The following GRIA1 variants were observed in gnomAD, a reference collection of about 807,000 sequenced individuals.
GRIA1 encodes the protein glutamate receptor 1.
A neutral mutation model predicts 99.2 loss-of-function variants in GRIA1; 31 were observed. The ratio of observed to expected loss-of-function variants is 0.31; its 90% confidence interval spans 0.23 to 0.42. The LOEUF (loss-of-function observed/expected upper bound fraction) is 0.42. Among genes scored for constraint, GRIA1 ranks in the 10% least tolerant of loss-of-function variants. The pLI is 1.00. For synonymous variants in GRIA1, 438 were observed against 432.4 expected (o/e 1.01, Z -0.16); for missense variants, 782 against 1,157.5 (o/e 0.68, Z 4.71).
intron 2 of GRIA1, among the ~76,000 whole-genome samples, chr5:153,573,707 T>C (rs754197119): frequency 1.4e-4 from 22 of 152,124 alleles, no homozygotes; most frequent in Admixed American, 3.3e-4. Flanking sequence ...GGAGCAAATA[T>C]ATAAAGGTGA....
chr5:153,722,369 T>C (rs1200227086), intron 11 of GRIA1, among the ~76,000 whole-genome samples: 1 of 152,228 alleles, frequency 6.6e-6, no homozygotes, highest in Admixed American at 6.5e-5. Context: ...GTACTTTTTG[T>C]GTCTTGCTTA....
At chr5:153,636,153 G>A (rs545778354) in intron 2 of GRIA1, among the ~76,000 whole-genome samples, 25 of 152,210 alleles carry the variant, frequency 1.6e-4, no homozygotes, top group African/African-American at 5.3e-4. Flanking sequence ...AAAGGAATAC[G>A]TGGGCTCAGA....
At chr5:153,498,476 A>G (rs1160284823) in intron 2 of GRIA1, among the ~76,000 whole-genome samples, 1 of 152,242 alleles carries the variant, frequency 6.6e-6, no homozygotes, top group Admixed American at 6.5e-5. Context: ...ATTACACAGC[A>G]TAAAAATGTT....
At chr5:153,678,765 G>A (rs940815634) in intron 7 of GRIA1, among the ~76,000 whole-genome samples, 11 of 152,184 alleles carry the variant, frequency 7.2e-5, no homozygotes, top group Non-Finnish European at 1.6e-4. Flanking sequence ...CAGTGATGAA[G>A]CCTGGGAGGC....
upstream of GRIA1, chr5:153,489,622 G>A (rs968545551): frequency 1.1e-4 from 31 of 287,634 alleles, no homozygotes; most frequent in African/African-American, 6.9e-4. Flanking sequence ...TTCAAAAACT[G>A]TATTCTGTGG....
chr5:153,686,924 T>C (rs1325012303), intron 8 of GRIA1, among the ~76,000 whole-genome samples: 1 of 152,144 alleles, frequency 6.6e-6, no homozygotes, highest in Non-Finnish European at 1.5e-5. Flanking sequence ...CCCTTGATAC[T>C]TCCTTCATCT....
At chr5:153,570,818 A>G (rs1762047838) in intron 2 of GRIA1, among the ~76,000 whole-genome samples, 1 of 152,172 alleles carries the variant, frequency 6.6e-6, no homozygotes, top group Non-Finnish European at 1.5e-5. Flanking sequence ...GCTTCATAAC[A>G]ATTGAGTACT....
intron 13 of GRIA1, among the ~76,000 whole-genome samples, chr5:153,786,141 G>A (rs1764951556): frequency 1.3e-5 from 2 of 152,144 alleles, no homozygotes; most frequent in African/African-American, 4.8e-5. Context: ...TCTGCTGAGT[G>A]TAGATGAGCT....
At position 153,778,190 on chromosome 5, in the gene GRIA1, AGAGT is replaced by A. The variant is rs1262804646; in HGVS notation, c.2270+7777_2270+7780del. Among the ~76,000 whole-genome samples the A allele has an allele frequency of 7.5e-3, 1,058 of 141,588 alleles. 6 individuals are homozygous for A. The highest frequency in any genetic ancestry group is 0.027 in the African/African-American group (971 of 36,610). 92.9% of individuals were successfully genotyped at this position (141,588 alleles called of 152,430 possible). On this transcript the variant is annotated intron_variant, in intron 13 of 15. Coordinates refer to ENST00000285900, the MANE Select transcript of GRIA1 (RefSeq NM_000827.4). ...GGCAGAGAGACAGAGAGAGAGAGAGAGAGTGTGTGTGTGTGTGTGTGTGTGTGTG... is the reference window on the plus strand; with the variant it reads ...GGCAGAGAGACAGAGAGAGAGAGAGAGTGTGTGTGTGTGTGTGTGTGTGTG...
At position 153,643,832 on chromosome 5, in the gene GRIA1, G is replaced by A. The variant is rs190709137; in HGVS notation, c.221-3096G>A. On this transcript the variant is annotated intron_variant, in intron 2 of 15. Transcript: ENST00000285900. Reference sequence around the variant, plus strand: ...ATAATTTGAAGGGGAAAATGTCCTGGCCTCCTGTGTGTCTAAGGATTTGTT... The same window carrying A: ...ATAATTTGAAGGGGAAAATGTCCTGACCTCCTGTGTGTCTAAGGATTTGTT... 5.3e-5 allele frequency among the ~76,000 whole-genome samples: 8 copies of A among 152,302 alleles called. No individual in the cohort carries two copies. In the East Asian group the frequency reaches 1.5e-3, roughly 29 times the overall value.
chr5:153,741,102 G>A (rs962489287), intron 11 of GRIA1, among the ~76,000 whole-genome samples: 4 of 148,638 alleles, frequency 2.7e-5, no homozygotes, highest in African/African-American at 1.0e-4. Context: ...TCAGCCTCCC[G>A]AGTAGCTGGG....
intron 2 of GRIA1, among the ~76,000 whole-genome samples, chr5:153,507,322 C>G (rs1651631003): frequency 1.3e-5 from 2 of 152,082 alleles, no homozygotes; most frequent in African/African-American, 2.4e-5. Context: ...CATACCCCTG[C>G]AAGAATGAAG....
chr5:153,622,212 T>C (rs1767119309), intron 2 of GRIA1, among the ~76,000 whole-genome samples: 1 of 152,176 alleles, frequency 6.6e-6, no homozygotes, highest in South Asian at 2.1e-4. Context: ...TTAAGAGGAT[T>C]CTGATGCCCT....
chr5:153,551,354 TTG>T (rs10561537), intron 2 of GRIA1, among the ~76,000 whole-genome samples: 68,230 of 151,128 alleles, frequency 0.45, 17,349 homozygotes, highest in Non-Finnish European at 0.59. Context: ...ACAGTTTTTT[TTG>T]TTTGTTTGTT....
chr5:153,691,012 G>A (rs891078605), intron 8 of GRIA1, among the ~76,000 whole-genome samples: 2 of 152,188 alleles, frequency 1.3e-5, no homozygotes, highest in Non-Finnish European at 2.9e-5. Flanking sequence ...CAGATTTGGA[G>A]CCTCAGAGAA....
At chr5:153,617,569 T>G (rs1766623677) in intron 2 of GRIA1, among the ~76,000 whole-genome samples, 1 of 152,206 alleles carries the variant, frequency 6.6e-6, no homozygotes, top group African/African-American at 2.4e-5. Flanking sequence ...TCCTTGTGAC[T>G]GGGATTAGGG....
At chr5:153,506,424 C>A (rs2113279319) in intron 2 of GRIA1, among the ~76,000 whole-genome samples, 1 of 151,350 alleles carries the variant, frequency 6.6e-6, no homozygotes, top group African/African-American at 2.4e-5. Flanking sequence ...AGATCCCTTT[C>A]CAAGTGTGTG....
At chr5:153,691,331 G>A (rs1158780771) in intron 8 of GRIA1, among the ~76,000 whole-genome samples, 1 of 152,176 alleles carries the variant, frequency 6.6e-6, no homozygotes, top group Non-Finnish European at 1.5e-5. Flanking sequence ...GAAGTTTAGG[G>A]AAAATTATCT....
chr5:153,561,724 T>C (rs1203063650), intron 2 of GRIA1, among the ~76,000 whole-genome samples: 1 of 152,190 alleles, frequency 6.6e-6, no homozygotes, highest in East Asian at 1.9e-4. Context: ...TATAGGAGAA[T>C]TGTATTATTC....
Sources: allele counts gnomAD v4.1 joint callset (sites outside exome capture counted in the v4.1 genomes callset), GRCh38; gene constraint gnomAD v4.1.1; transcripts MANE v1.5; gene names NCBI Gene and HGNC (gene_info 2026-07-23, HGNC 2026-07-21).